Variants in CDKL2 observed in about 807,000 individuals in gnomAD.
CDKL2 encodes cyclin dependent kinase like 2, also known as cyclin-dependent kinase-like 2.
CDKL2 carries 64 observed loss-of-function variants against 63.9 expected under a neutral mutation model. That is an observed-to-expected ratio of 1.00 (90% CI 0.82 to 1.23). The LOEUF (loss-of-function observed/expected upper bound fraction) is 1.23. Among genes scored for constraint, CDKL2 ranks in the 50% most tolerant of loss-of-function variants. The pLI is 0.00. For synonymous variants in CDKL2, 211 were observed against 229.2 expected, an observed-to-expected ratio of 0.92 and a Z score of 0.72; for missense variants, 656 against 668.0, an observed-to-expected ratio of 0.98 and a Z score of 0.20.
chr4:75,602,638 C>G (rs2148884630), intron 6 of CDKL2, among the ~76,000 whole-genome samples: 1 of 152,316 alleles, frequency 6.6e-6, no homozygotes, highest in African/African-American at 2.4e-5. Context: ...TCTCCTGTCT[C>G]AGCATCCCGA....
intron 10 of CDKL2, among the ~76,000 whole-genome samples, chr4:75,595,712 A>G (rs1440381323): frequency 6.6e-6 from 1 of 152,104 alleles, no homozygotes; most frequent in Non-Finnish European, 1.5e-5. Context: ...CAGGTGGATC[A>G]CGAGGTCAGG....
intron 12 of CDKL2, among the ~76,000 whole-genome samples, chr4:75,590,030 G>A (rs979994858): frequency 6.6e-6 from 1 of 151,790 alleles, no homozygotes; most frequent in African/African-American, 2.4e-5. Context: ...AGCCAGGTGT[G>A]TTGGTGCACT....
intron 10 of CDKL2, chr4:75,596,024 GGAAGGAAGAAAGGA>G (rs1728913631): frequency 6.1e-5 from 3 of 49,382 alleles, no homozygotes; most frequent in African/African-American, 3.7e-4. Context: ...AAGGAAGGAA[GGAAGGAAGAAAGGA>G]AGGAAGGAGT....
At chr4:75,581,751 G>A in intron 13 of CDKL2, 59 bp downstream of exon 13, 2 of 904,138 alleles carry the variant, frequency 2.2e-6, no homozygotes, top group Non-Finnish European at 1.8e-6. Context: ...TATTCAGCAA[G>A]CCACAAAATA....
intron 2 of CDKL2, among the ~76,000 whole-genome samples, chr4:75,615,637 AG>A (rs2148903198): frequency 6.6e-6 from 1 of 152,374 alleles, no homozygotes; most frequent in African/African-American, 2.4e-5. Flanking sequence ...GTTATGAAAC[AG>A]AAAGTGAACA....
intron 7 of CDKL2, among the ~76,000 whole-genome samples, chr4:75,598,656 T>C (rs897944752): frequency 3.3e-5 from 5 of 151,964 alleles, no homozygotes; most frequent in Non-Finnish European, 7.4e-5. Flanking sequence ...GGTATTGACT[T>C]CATTAAAGCC....
chr4:75,614,732 C>G (rs1257464616), intron 2 of CDKL2, among the ~76,000 whole-genome samples: 1 of 151,468 alleles, frequency 6.6e-6, no homozygotes, highest in African/African-American at 2.4e-5. Context: ...ATCTATGACC[C>G]CCTACTCACA....
intron 2 of CDKL2, among the ~76,000 whole-genome samples, chr4:75,616,205 GA>G (rs1418438849): frequency 2.0e-5 from 3 of 151,744 alleles, no homozygotes; most frequent in Non-Finnish European, 4.4e-5. Flanking sequence ...TTGGGAGGCT[GA>G]AGTGGAGGGA....
At chr4:75,623,465 A>T (rs1365854250) in intron 2 of CDKL2, among the ~76,000 whole-genome samples, 1 of 152,050 alleles carries the variant, frequency 6.6e-6, no homozygotes, top group East Asian at 1.9e-4. Context: ...GGATAGCCAT[A>T]AGGGAAAAGT....
rs150940905 is a variant in CDKL2, at chr4:75,581,925, G to C, written c.1648-27C>G. ...TATAAATTAATAATAGAGCATCATA[G>C]GTTCTCAGTAATTGCAAAAGTTCCA... On this transcript the variant is annotated intron_variant, in intron 12 of 13. Transcript: ENST00000307465. 1,431 of 1,509,022 alleles carry C rather than the reference G, an allele frequency of 9.5e-4. 21 individuals are homozygous for C. The South Asian group carries it at 0.016, about 16-fold the overall frequency. The allele number at this position is 1,509,022 out of a possible 1,614,324, so 93.5% of individuals were successfully genotyped here. A position where few individuals can be genotyped will look rare whatever the true frequency, so the allele number is the denominator to read the frequency against.
chr4:75,624,083 A>G (rs552532665), intron 2 of CDKL2, among the ~76,000 whole-genome samples: 14 of 150,820 alleles, frequency 9.3e-5, no homozygotes, highest in African/African-American at 2.4e-4. Context: ...GTGAGCCAAG[A>G]TTACGCCACT....
intron 4 of CDKL2, 53 bp downstream of exon 4, chr4:75,607,130 T>G (rs1228814863): frequency 1.4e-6 from 2 of 1,411,226 alleles, no homozygotes; most frequent in Non-Finnish European, 2.0e-6. Flanking sequence ...CATATTCCAC[T>G]ATAGCAAGAA....
At chr4:75,592,120 A>C in intron 11 of CDKL2, 26 bp downstream of exon 11, 2 of 1,511,382 alleles carry the variant, frequency 1.3e-6, no homozygotes, top group East Asian at 2.5e-5. Context: ...AACAGACTAC[A>C]CAAAGTAAAA....
chr4:75,600,504 C>T (rs1047443016), intron 6 of CDKL2, 135 bp from the exon 7 acceptor site: 1 of 636,110 alleles, frequency 1.6e-6, no homozygotes, highest in Admixed American at 2.8e-5. Flanking sequence ...GTTGCCCAGG[C>T]TAGAGTGCAG....
chr4:75,615,826 CA>C (rs1031408951), intron 2 of CDKL2, among the ~76,000 whole-genome samples: 2 of 151,988 alleles, frequency 1.3e-5, no homozygotes, highest in African/African-American at 4.8e-5. Context: ...CCCATCTCTA[CA>C]AAAAATTTTA....
At chr4:75,605,707 G>A in intron 4 of CDKL2, 73 bp from the exon 5 acceptor site, 1 of 890,612 alleles carries the variant, frequency 1.1e-6, no homozygotes, top group Non-Finnish European at 1.8e-6. Flanking sequence ...TTTGAGCACT[G>A]AGGTGATGCT....
At chr4:75,595,461 C>G (rs962972413) in intron 10 of CDKL2, among the ~76,000 whole-genome samples, 5 of 152,096 alleles carry the variant, frequency 3.3e-5, no homozygotes, top group African/African-American at 1.2e-4. Context: ...ACTATCCTCC[C>G]ACCTCGGCCT....
intron 6 of CDKL2, among the ~76,000 whole-genome samples, chr4:75,602,655 G>A (rs1392375916): frequency 6.6e-6 from 1 of 152,052 alleles, no homozygotes; most frequent in Non-Finnish European, 1.5e-5. Flanking sequence ...CCGAGTAGCT[G>A]GGATTACAGA....
chr4:75,593,610 A>G (rs766111445), intron 10 of CDKL2, among the ~76,000 whole-genome samples: 2 of 152,208 alleles, frequency 1.3e-5, no homozygotes, highest in African/African-American at 2.4e-5. Flanking sequence ...GGTTGATATC[A>G]GTTCTGGCAA....
Sources: allele counts gnomAD v4.1 joint callset (sites outside exome capture counted in the v4.1 genomes callset), GRCh38; gene constraint gnomAD v4.1.1; transcripts MANE v1.5; gene names NCBI Gene and HGNC (gene_info 2026-07-23, HGNC 2026-07-21).